DCDC1: variants seen among roughly 807,000 people sequenced by gnomAD.
DCDC1 encodes the protein doublecortin domain-containing protein 1.
A neutral mutation model predicts 178.3 loss-of-function variants in DCDC1; 200 were observed. The observed-to-expected ratio is 1.12, with a 90% CI of 1.00 to 1.26. The LOEUF (loss-of-function observed/expected upper bound fraction) is 1.26. Among genes scored for constraint, DCDC1 ranks in the 50% most tolerant of loss-of-function variants. The pLI is 0.00. For synonymous variants in DCDC1, 690 were observed against 604.8 expected (o/e 1.14, Z -2.07); for missense variants, 1,983 against 1,749.2 (o/e 1.13, Z -2.38).
chr11:31,270,388 C>T (rs1945469548), intron 7 of DCDC1, among the ~76,000 whole-genome samples: 1 of 152,180 alleles, frequency 6.6e-6, no homozygotes, highest in Admixed American at 6.5e-5. Context: ...GCTACAGAGA[C>T]CTTCTGGCTT....
At chr11:31,077,606 T>G (rs1406029842) in intron 18 of DCDC1, among the ~76,000 whole-genome samples, 2 of 152,080 alleles carry the variant, frequency 1.3e-5, no homozygotes, top group African/African-American at 4.8e-5. Flanking sequence ...AGAAGAAAAC[T>G]GATGCCCTAA....
At chr11:31,114,101 T>G (rs1000192097) in intron 11 of DCDC1, among the ~76,000 whole-genome samples, 2 of 152,114 alleles carry the variant, frequency 1.3e-5, no homozygotes, top group African/African-American at 4.8e-5. Flanking sequence ...AAATGGCTAG[T>G]ACTAACTGAG....
At chr11:31,290,283 G>A (rs568821178) in intron 7 of DCDC1, among the ~76,000 whole-genome samples, 184 of 152,054 alleles carry the variant, frequency 1.2e-3, no homozygotes, top group African/African-American at 4.3e-3. Flanking sequence ...ATGAAAAGAG[G>A]CAGATTTGAG....
intron 2 of DCDC1, among the ~76,000 whole-genome samples, chr11:31,333,904 C>A (rs971393327): frequency 1.3e-5 from 2 of 152,106 alleles, no homozygotes; most frequent in Admixed American, 6.6e-5. Flanking sequence ...CTCTGTATTT[C>A]CTTAACTTGA....
intron 20 of DCDC1, among the ~76,000 whole-genome samples, chr11:30,961,805 GACTT>G (rs1328708845): frequency 2.0e-5 from 3 of 152,052 alleles, no homozygotes; most frequent in African/African-American, 4.8e-5. Flanking sequence ...TAGTAATAAT[GACTT>G]ACTTTGATGG....
chr11:31,064,998 C>T lies in DCDC1; in HGVS notation c.2433+21G>A, dbSNP rs372031524. ...ATTTTAGAGAGCTATTTCTGTCTTG[C>T]CTCTGGCTCCCTACACTGACCTCTT... On this transcript the variant is annotated intron_variant, in intron 19 of 38. Transcript: ENST00000684477. 4 of 718,834 alleles carry T rather than the reference C, an allele frequency of 5.6e-6. No individual in the cohort carries two copies. In the East Asian group the frequency reaches 9.8e-5, roughly 18 times the overall value. 44.5% of individuals were successfully genotyped at this position (718,834 alleles called of 1,614,324 possible). A position where few individuals can be genotyped will look rare whatever the true frequency, so the allele number is the denominator to read the frequency against.
intron 10 of DCDC1, among the ~76,000 whole-genome samples, chr11:31,137,381 T>C (rs1304465615): frequency 1.4e-5 from 2 of 147,314 alleles, no homozygotes; most frequent in Non-Finnish European, 3.0e-5. Context: ...TTACGGAGTC[T>C]CGCTGTTGCC....
At chr11:30,955,693 T>C (rs1481304411) in intron 20 of DCDC1, among the ~76,000 whole-genome samples, 2 of 152,314 alleles carry the variant, frequency 1.3e-5, no homozygotes, top group South Asian at 2.1e-4. Context: ...AGCCACTGCA[T>C]TGATTACCTA....
At chr11:31,214,994 T>A (rs1450189962) in intron 9 of DCDC1, among the ~76,000 whole-genome samples, 2 of 151,922 alleles carry the variant, frequency 1.3e-5, no homozygotes, top group South Asian at 4.1e-4. Flanking sequence ...CAGGACATTT[T>A]AATAGTTACA....
chr11:31,221,002 A>C (rs1326822590), intron 9 of DCDC1, among the ~76,000 whole-genome samples: 1 of 152,130 alleles, frequency 6.6e-6, no homozygotes, highest in Non-Finnish European at 1.5e-5. Flanking sequence ...TTTAACCTTA[A>C]TTACTTCCAT....
At chr11:31,255,891 T>C (rs1020565775) in intron 8 of DCDC1, among the ~76,000 whole-genome samples, 3 of 152,222 alleles carry the variant, frequency 2.0e-5, no homozygotes, top group Non-Finnish European at 4.4e-5. Context: ...TTCTAAAAAC[T>C]GATTGCCAGA....
At chr11:31,328,640 T>C (rs956099748) in intron 2 of DCDC1, among the ~76,000 whole-genome samples, 21 of 151,648 alleles carry the variant, frequency 1.4e-4, no homozygotes, top group Admixed American at 4.6e-4. Context: ...CTACTAAAAA[T>C]ACAAAATAAA....
At chr11:31,060,870 C>T (rs544474256) in intron 20 of DCDC1, among the ~76,000 whole-genome samples, 1 of 152,172 alleles carries the variant, frequency 6.6e-6, no homozygotes, top group South Asian at 2.1e-4. Context: ...AGTTCCAAAG[C>T]TCATGAGATA....
At chr11:31,286,029 C>G (rs1432860838) in intron 7 of DCDC1, among the ~76,000 whole-genome samples, 1 of 152,004 alleles carries the variant, frequency 6.6e-6, no homozygotes, top group Admixed American at 6.6e-5. Flanking sequence ...GGAGAACAAG[C>G]AAAAAGGAAC....
chr11:31,202,518 C>A (rs568305534), intron 9 of DCDC1, among the ~76,000 whole-genome samples: 55 of 152,224 alleles, frequency 3.6e-4, no homozygotes, highest in African/African-American at 1.3e-3. Flanking sequence ...TTGCAGTGAG[C>A]CAAGATTGCG....
chr11:31,140,546 A>G (rs1308322870), intron 9 of DCDC1, among the ~76,000 whole-genome samples: 2 of 152,180 alleles, frequency 1.3e-5, no homozygotes, highest in African/African-American at 2.4e-5. Flanking sequence ...AGCCATACAT[A>G]CTTAGGTTAA....
At chr11:31,250,421 C>CACATATATATATAT (rs1555146241) in intron 8 of DCDC1, among the ~76,000 whole-genome samples, 1 of 52,868 alleles carries the variant, frequency 1.9e-5, no homozygotes, top group African/African-American at 5.1e-5. Context: ...CACACATATA[C>CACATATATATATAT]ATATATATGT....
At chr11:31,211,851 G>C (rs936501912) in intron 9 of DCDC1, among the ~76,000 whole-genome samples, 1 of 152,054 alleles carries the variant, frequency 6.6e-6, no homozygotes, top group Non-Finnish European at 1.5e-5. Flanking sequence ...GGAAGGCCGA[G>C]GCAGGTGGAT....
chr11:31,196,622 G>A (rs1191852949), intron 9 of DCDC1, among the ~76,000 whole-genome samples: 1 of 152,022 alleles, frequency 6.6e-6, no homozygotes, highest in African/African-American at 2.4e-5. Context: ...GACATGCATA[G>A]GGCCAGGTAT....
Sources: allele counts gnomAD v4.1 joint callset (sites outside exome capture counted in the v4.1 genomes callset), GRCh38; gene constraint gnomAD v4.1.1; transcripts MANE v1.5; gene names NCBI Gene and HGNC (gene_info 2026-07-23, HGNC 2026-07-21).